CSMD3: variants seen among roughly 807,000 people sequenced by gnomAD.
CSMD3 encodes the protein CUB and sushi domain-containing protein 3.
Under a neutral mutation model 435.2 loss-of-function variants are expected in CSMD3, and 177 were observed. The observed-to-expected ratio is 0.41, with a 90% CI of 0.36 to 0.46. The LOEUF is 0.46. Among genes scored for constraint, CSMD3 ranks in the 20% least tolerant of loss-of-function variants. The pLI is 0.34. For synonymous variants in CSMD3, 1,656 were observed against 1,520.5 expected (o/e 1.09, Z -2.07); for missense variants, 4,265 against 4,504.6 (o/e 0.95, Z 1.52).
At chr8:112,525,032 C>A (rs1824722568) in intron 27 of CSMD3, among the ~76,000 whole-genome samples, 1 of 151,618 alleles carries the variant, frequency 6.6e-6, no homozygotes, top group African/African-American at 2.4e-5. Context: ...CGACTGATAT[C>A]ATCATAAGCC....
intron 3 of CSMD3, among the ~76,000 whole-genome samples, chr8:113,233,302 C>G (rs1245226411): frequency 6.6e-6 from 1 of 151,184 alleles, no homozygotes; most frequent in African/African-American, 2.4e-5. Flanking sequence ...ATAGTTGATG[C>G]TATTGTGTCA....
At chr8:112,225,681 A>G (rs754421234) in intron 70 of CSMD3, among the ~76,000 whole-genome samples, 1 of 152,186 alleles carries the variant, frequency 6.6e-6, no homozygotes, top group African/African-American at 2.4e-5. Flanking sequence ...TGAATGCTCA[A>G]TTTTATTTTT....
At chr8:112,673,615 G>T (rs2075706579) in intron 16 of CSMD3, among the ~76,000 whole-genome samples, 1 of 152,054 alleles carries the variant, frequency 6.6e-6, no homozygotes, top group South Asian at 2.1e-4. Flanking sequence ...TTCCTCAAAA[G>T]AACTCTCTCT....
chr8:113,130,259 G>A (rs975322738), intron 4 of CSMD3, among the ~76,000 whole-genome samples: 2 of 152,128 alleles, frequency 1.3e-5, no homozygotes, highest in African/African-American at 4.8e-5. Flanking sequence ...TCAAATAGAA[G>A]GATAGAGAGT....
chr8:113,152,364 C>A (rs1420499345), intron 4 of CSMD3, among the ~76,000 whole-genome samples: 1 of 151,968 alleles, frequency 6.6e-6, no homozygotes, highest in Non-Finnish European at 1.5e-5. Flanking sequence ...ATGGAACAAA[C>A]ACATTTGAGT....
At chr8:113,124,492 G>GAA (rs143858572) in intron 4 of CSMD3, among the ~76,000 whole-genome samples, 6 of 151,090 alleles carry the variant, frequency 4.0e-5, no homozygotes, top group African/African-American at 9.7e-5. Flanking sequence ...TGGGAAAAAA[G>GAA]AAAAAAAACC....
At chr8:112,321,287 C>A (rs1372498573) in intron 45 of CSMD3, among the ~76,000 whole-genome samples, 1 of 152,110 alleles carries the variant, frequency 6.6e-6, no homozygotes, top group Non-Finnish European at 1.5e-5. Context: ...TAGTACAGGA[C>A]ATAGCCAAAA....
intron 1 of CSMD3, among the ~76,000 whole-genome samples, chr8:113,431,816 C>G (rs2094675401): frequency 6.6e-6 from 1 of 151,862 alleles, no homozygotes; most frequent in Admixed American, 6.6e-5. Context: ...TTTTACTGTA[C>G]TTAGAATCAT....
chr8:112,941,488 A>G (rs2083450198), intron 9 of CSMD3, among the ~76,000 whole-genome samples: 1 of 151,826 alleles, frequency 6.6e-6, no homozygotes, highest in African/African-American at 2.4e-5. Flanking sequence ...AAATGTGTAA[A>G]TAAACGATTA....
intron 10 of CSMD3, among the ~76,000 whole-genome samples, chr8:112,917,134 T>C (rs2130588547): frequency 6.6e-6 from 1 of 152,058 alleles, no homozygotes; most frequent in East Asian, 1.9e-4. Context: ...TTGATAACTG[T>C]CCTCTTTGGC....
chr8:112,341,239 A>C (rs1351446695), intron 42 of CSMD3, among the ~76,000 whole-genome samples: 1 of 152,016 alleles, frequency 6.6e-6, no homozygotes, highest in Non-Finnish European at 1.5e-5. Flanking sequence ...ACTTAAGACT[A>C]ATTCAATCCA....
intron 5 of CSMD3, among the ~76,000 whole-genome samples, chr8:113,060,713 A>C (rs1355025064): frequency 1.3e-5 from 2 of 152,110 alleles, no homozygotes; most frequent in Non-Finnish European, 2.9e-5. Context: ...AAAGGTAGCC[A>C]AAAAAGCAAA....
chr8:112,396,597 G>C (rs1055754201), intron 35 of CSMD3, among the ~76,000 whole-genome samples: 1 of 152,058 alleles, frequency 6.6e-6, no homozygotes, highest in Non-Finnish European at 1.5e-5. Flanking sequence ...AGTTGGTAAG[G>C]GTTGTCAGAC....
chr8:112,246,163 T>C (rs1355498546), intron 64 of CSMD3, among the ~76,000 whole-genome samples: 2 of 152,174 alleles, frequency 1.3e-5, no homozygotes, highest in Non-Finnish European at 2.9e-5. Flanking sequence ...GCACATAACA[T>C]GGCATCTCTG....
At chr8:113,339,866 A>G (rs1273074546) in intron 1 of CSMD3, among the ~76,000 whole-genome samples, 1 of 151,942 alleles carries the variant, frequency 6.6e-6, no homozygotes, top group African/African-American at 2.4e-5. Flanking sequence ...ACCCTTCTTT[A>G]TATCTATCAA....
intron 22 of CSMD3, among the ~76,000 whole-genome samples, chr8:112,623,366 A>G (rs1236344360): frequency 2.6e-5 from 4 of 152,082 alleles, no homozygotes; most frequent in Non-Finnish European, 4.4e-5. Flanking sequence ...CATTTTTGAG[A>G]AGCTGTTCCC....
At chr8:113,197,919 A>G (rs575404815) in intron 3 of CSMD3, among the ~76,000 whole-genome samples, 1 of 151,478 alleles carries the variant, frequency 6.6e-6, no homozygotes, top group South Asian at 2.1e-4. Flanking sequence ...TGCTTACCAT[A>G]AGAGGATTCA....
chr8:112,758,352 A>C (rs112533730), intron 13 of CSMD3, among the ~76,000 whole-genome samples: 13 of 15,668 alleles, frequency 8.3e-4, no homozygotes, highest in Admixed American at 2.0e-3. Context: ...ACTCCATTTC[A>C]AAAAAAAAAA....
chr8:112,732,699 C>CAAAAAAAAAAAA (rs34891739), intron 13 of CSMD3, among the ~76,000 whole-genome samples: 2 of 97,176 alleles, frequency 2.1e-5, no homozygotes, highest in Non-Finnish European at 4.6e-5. Flanking sequence ...GACTCCATCT[C>CAAAAAAAAAAAA]AAAAAAAAAA....
Sources: gnomAD v4.1 joint callset for allele counts (sites outside exome capture counted in the v4.1 genomes callset) on GRCh38, gnomAD v4.1.1 for gene constraint, MANE v1.5 for transcripts, NCBI Gene and HGNC (gene_info 2026-07-23, HGNC 2026-07-21) for gene names.